The following SDR42E2 variants were observed in gnomAD, a reference collection of about 807,000 sequenced individuals.
The protein encoded by SDR42E2 is short chain dehydrogenase/reductase family 42E, member 2, also known as putative short-chain dehydrogenase/reductase family 42E member 2.
Under a neutral mutation model 10.5 loss-of-function variants are expected in SDR42E2, and 20 were observed. That is an observed-to-expected ratio of 1.90 (90% CI 1.34 to 2.77). The LOEUF (loss-of-function observed/expected upper bound fraction) is 2.77, where lower values mean the gene tolerates loss of function less well. SDR42E2 is among the 30% of genes most tolerant of loss of function. SDR42E2 has a pLI of 0.00. For synonymous variants in SDR42E2, 72 were observed against 39.2 expected (o/e 1.84, Z -3.12); for missense variants, 162 against 104.2 (o/e 1.55, Z -2.42).
In SDR42E2 at chr16:22,191,615, T is replaced by C. The variant is rs1011074471; in HGVS notation, c.*1222T>C. On this transcript the variant is annotated 3_prime_UTR_variant, in exon 13 of 13. Coordinates refer to ENST00000602312, the MANE Select transcript of SDR42E2 (RefSeq NM_001394319.2). ...TTCTGCCGAGCCCGACTTGGCCTTTTTGGGTTCCTGTCTGAGGATGACAGC... is the reference window on the plus strand; with the variant it reads ...TTCTGCCGAGCCCGACTTGGCCTTTCTGGGTTCCTGTCTGAGGATGACAGC... The C allele has an allele frequency of 6.6e-6, 1 of 152,084 alleles. No individual in the cohort carries two copies. Among genetic ancestry groups the C allele is most frequent in the Non-Finnish European group, 1.5e-5 (1 of 68,020 alleles). The allele number at this position is 152,084 out of a possible 1,614,324, so 9.4% of individuals were successfully genotyped here. A position where few individuals can be genotyped will look rare whatever the true frequency, so the allele number is the denominator to read the frequency against.
intron 5 of SDR42E2, 43 bp downstream of exon 5, chr16:22,169,545 C>G (rs748848951): frequency 1.3e-4 from 92 of 703,068 alleles, no homozygotes; most frequent in Middle Eastern, 2.3e-4. Context: ...GCCTCTCCCC[C>G]TCTCTCCCTT....
At position 22,166,999 on chromosome 16, in the gene SDR42E2, G is replaced by C. The variant is rs534408115; in HGVS notation, c.336G>C (p.Lys112Asn). 1.4e-6 allele frequency: 1 copy of C among 702,218 alleles called. No homozygotes were observed. The highest frequency in any genetic ancestry group is 2.7e-5 in the East Asian group (1 of 37,260). The allele number at this position is 702,218 out of a possible 1,614,324, so 43.5% of individuals were successfully genotyped here. The change falls in exon 4 of 13, where the codon AAG (lysine) becomes AAC (asparagine). Residue 112 changes from lysine (K) to asparagine (N), a missense_variant and splice_region_variant. Lys to Asn is a moderately conservative substitution (Grantham distance 94). Transcript: ENST00000602312. Reference protein sequence around the residue: ...VASYGMSGAEKLQKEQIESIN... With the variant: ...VASYGMSGAENLQKEQIESIN... ...CCTATGGAATGTCCGGGGCTGAGAA[G>C]GTGGGCTCCTCACACACAACACCTG...
intron 8 of SDR42E2, 64 bp downstream of exon 8, chr16:22,178,276 C>A: frequency 1.5e-6 from 1 of 676,618 alleles, no homozygotes; most frequent in South Asian, 1.5e-5. Flanking sequence ...GTACACTGGT[C>A]GGGCCCTCCC....
Position 22,166,947 on chromosome 16 carries a change from G to A in SDR42E2, c.284G>A (p.Gly95Glu), listed in dbSNP as rs1248563221. 1 of 701,746 alleles carries A rather than the reference G, an allele frequency of 1.4e-6. No homozygotes were observed. The highest frequency in any genetic ancestry group is 1.5e-5 in the South Asian group (1 of 67,500). The allele number at this position is 701,746 out of a possible 1,614,324, so 43.5% of individuals were successfully genotyped here. The change falls in exon 4 of 13, where the codon GGG (glycine) becomes GAG (glutamate). Residue 95 changes from glycine (G) to glutamate (E), a missense_variant. Physicochemically the swap from Gly to Glu is moderately conservative, Grantham distance 98 (BLOSUM62 -2). Transcript: ENST00000602312. ...GAAGCCCTGTACCGTGCCTTCGAAGGGGTGGACTGTGTCTTCCACGTGGCT... is the reference window on the plus strand; with the variant it reads ...GAAGCCCTGTACCGTGCCTTCGAAGAGGTGGACTGTGTCTTCCACGTGGCT... The part of the protein sequence containing the change: ...DEEALYRAFE[G>E]VDCVFHVASY...
chr16:22,172,246 C>T lies in SDR42E2; in HGVS notation c.514-10C>T. On this transcript the variant is annotated splice_polypyrimidine_tract_variant and intron_variant, in intron 6 of 12. Coordinates refer to ENST00000602312, the MANE Select transcript of SDR42E2 (RefSeq NM_001394319.2). ...TCTCTGGTGGTTCTGTTTTTCCTGG[C>T]CTCTGGCAGCACGTAGACCACTACT... The T allele has an allele frequency of 1.4e-6, 1 of 703,024 alleles. No homozygotes were observed. Among genetic ancestry groups the T allele is most frequent in the Non-Finnish European group, 2.6e-6 (1 of 385,000 alleles). The allele number at this position is 703,024 out of a possible 1,614,324, so 43.5% of individuals were successfully genotyped here. A position where few individuals can be genotyped will look rare whatever the true frequency, so the allele number is the denominator to read the frequency against.
intron 11 of SDR42E2, among the ~76,000 whole-genome samples, chr16:22,185,212 G>A (rs147766593): frequency 2.1e-4 from 32 of 152,260 alleles, no homozygotes; most frequent in Non-Finnish European, 2.1e-4. Flanking sequence ...GACATGGAGT[G>A]ACCAGCCTGA....
intron 8 of SDR42E2, among the ~76,000 whole-genome samples, chr16:22,180,871 G>T (rs942833724): frequency 6.6e-6 from 1 of 152,212 alleles, no homozygotes; most frequent in Non-Finnish European, 1.5e-5. Flanking sequence ...GCTGAGCATG[G>T]TGGTTTGTGC....
intron 7 of SDR42E2, among the ~76,000 whole-genome samples, chr16:22,175,798 G>T (rs1038869344): frequency 1.3e-5 from 2 of 152,008 alleles, no homozygotes; most frequent in Admixed American, 1.3e-4. Flanking sequence ...TTCAAGACCA[G>T]CCTGGCCAAC....
At chr16:22,165,124 A>G (rs1330063847) in intron 1 of SDR42E2, among the ~76,000 whole-genome samples, 3 of 151,970 alleles carry the variant, frequency 2.0e-5, no homozygotes, top group East Asian at 3.9e-4. Flanking sequence ...GTCTCATTCT[A>G]TTGCCCAGAC....
chr16:22,182,236 G>C lies in SDR42E2; in HGVS notation c.835G>C (p.Asp279His). ...VASGQAYYIN[D>H]GESVNLFEWM... ...GAGTGGGCAGGCGTACTACATCAAC[G>C]ATGGGGAGAGCGTCAACCTCTTTGA... The change falls in exon 10 of 13, where the codon GAT becomes CAT. Residue 279 changes from aspartate to histidine, a missense_variant. Physicochemically the swap from Asp to His is moderately conservative, Grantham distance 81. Coordinates refer to ENST00000602312, the MANE Select transcript of SDR42E2 (RefSeq NM_001394319.2). 2.5e-6 allele frequency: 1 copy of C among 402,178 alleles called. No individual in the cohort carries two copies. Among genetic ancestry groups the C allele is most frequent in the African/African-American group, 2.0e-5 (1 of 48,804 alleles). The allele number at this position is 402,178 out of a possible 1,614,324, so 24.9% of individuals were successfully genotyped here.
chr16:22,190,428 C>T lies in SDR42E2; in HGVS notation c.*35C>T, dbSNP rs982351415. ...GTCCGCCGCCCGCTAGGGTCGGCCC[C>T]GCTGCACCCTCGCCCACGCCCGGCT... On this transcript the variant is annotated 3_prime_UTR_variant, in exon 13 of 13. Coordinates refer to ENST00000602312, the MANE Select transcript of SDR42E2 (RefSeq NM_001394319.2). The T allele has an allele frequency of 7.5e-6, 3 of 401,628 alleles. No homozygotes were observed. Among genetic ancestry groups the T allele is most frequent in the South Asian group, 1.1e-4 (1 of 9,090 alleles). The allele number at this position is 401,628 out of a possible 1,614,324, so 24.9% of individuals were successfully genotyped here.
intron 7 of SDR42E2, among the ~76,000 whole-genome samples, chr16:22,177,178 A>C (rs1029177215): frequency 6.6e-6 from 1 of 152,186 alleles, no homozygotes; most frequent in Admixed American, 6.5e-5. Flanking sequence ...TTTTATCCAT[A>C]GGCAGGGATT....
At chr16:22,187,238 G>T (rs2046742557) in intron 12 of SDR42E2, among the ~76,000 whole-genome samples, 2 of 152,120 alleles carry the variant, frequency 1.3e-5, no homozygotes. Context: ...TATATATTAA[G>T]TACCTACTAC....
chr16:22,171,740 C>A (rs1207911518), intron 6 of SDR42E2, among the ~76,000 whole-genome samples: 1 of 152,072 alleles, frequency 6.6e-6, no homozygotes, highest in Non-Finnish European at 1.5e-5. Context: ...TTGAGTTGCC[C>A]AGGCTGGTCT....
In SDR42E2 at chr16:22,172,237, T is replaced by C; in HGVS notation, c.514-19T>C. 1 of 702,870 alleles carries C rather than the reference T, an allele frequency of 1.4e-6. No individual in the cohort carries two copies. The allele number at this position is 702,870 out of a possible 1,614,324, so 43.5% of individuals were successfully genotyped here. Reference sequence around the variant, plus strand: ...TGCTGACCCTCTCTGGTGGTTCTGTTTTTCCTGGCCTCTGGCAGCACGTAG... The same window carrying C: ...TGCTGACCCTCTCTGGTGGTTCTGTCTTTCCTGGCCTCTGGCAGCACGTAG... On this transcript the variant is annotated intron_variant, in intron 6 of 12. Transcript: ENST00000602312.
At chr16:22,187,617 A>G (rs2046744892) in intron 12 of SDR42E2, among the ~76,000 whole-genome samples, 1 of 151,482 alleles carries the variant, frequency 6.6e-6, no homozygotes, top group Non-Finnish European at 1.5e-5. Flanking sequence ...AAAAAAAAAA[A>G]GATTCTCCCC....
intron 7 of SDR42E2, 67 bp downstream of exon 7, chr16:22,172,398 GT>G (rs990840476): frequency 7.1e-6 from 5 of 702,728 alleles, no homozygotes; most frequent in Non-Finnish European, 1.0e-5. Context: ...CAAAATACAT[GT>G]GTGATTCATG....
At chr16:22,179,977 C>CCAAATACCTT (rs1329248421) in intron 8 of SDR42E2, among the ~76,000 whole-genome samples, 3 of 152,040 alleles carry the variant, frequency 2.0e-5, no homozygotes, top group Admixed American at 2.0e-4. Flanking sequence ...GGCTCTTCCT[C>CCAAATACCTT]CAAATACCTT....
At chr16:22,177,030 AG>A (rs779000430) in intron 7 of SDR42E2, among the ~76,000 whole-genome samples, 75 of 152,228 alleles carry the variant, frequency 4.9e-4, no homozygotes, top group Non-Finnish European at 8.4e-4. Flanking sequence ...GCTAAAAGAC[AG>A]GGTTCACTGT....
Sources: gnomAD v4.1 joint callset for allele counts (sites outside exome capture counted in the v4.1 genomes callset) on GRCh38, gnomAD v4.1.1 for gene constraint, MANE v1.5 for transcripts, NCBI Gene and HGNC (gene_info 2026-07-23, HGNC 2026-07-21) for gene names.